The following UPF3B variants were observed in gnomAD, a reference collection of about 807,000 sequenced individuals.
The protein encoded by UPF3B is regulator of nonsense transcripts 3B.
In UPF3B, 7 loss-of-function variants were observed where a neutral mutation model predicts 40.3. That is an observed-to-expected ratio of 0.17 (90% CI 0.10 to 0.33). The LOEUF (loss-of-function observed/expected upper bound fraction) is 0.33. Among genes scored for constraint, UPF3B ranks in the 10% least tolerant of loss-of-function variants. The pLI, the probability that UPF3B is intolerant of heterozygous loss-of-function variation, is 1.00. For missense variants in UPF3B, 229 were observed against 358.9 expected (o/e 0.64, Z 2.93); for synonymous variants, 117 against 117.3 (o/e 1.00, Z 0.01).
intron 3 of UPF3B, among the ~76,000 whole-genome samples, chrX:119,848,094 A>G (rs1227195057): frequency 1.8e-5 from 2 of 109,052 alleles, no homozygotes; most frequent in African/African-American, 6.7e-5. Flanking sequence ...AGCCTGGCCA[A>G]CACAGTGAAA....
In UPF3B at chrX:119,841,770, T is replaced by C; in HGVS notation, c.589A>G (p.Thr197Ala). The change falls in exon 6 of 11, where the codon ACA becomes GCA. Residue 197 changes from threonine to alanine, a missense_variant. This residue lies in a region of UPF3B where 87 missense variants were observed against 184.2 expected (regional missense o/e 0.47). Transcript: ENST00000276201. ...TTCAGGAAGCTCAAAAGTGGGGTTG[T>C]CTTTTTAGCTACATAAATGTAAACA... Reference protein sequence around the residue: ...AKNRELIAKKTTPLLSFLKNK... With the variant: ...AKNRELIAKKATPLLSFLKNK... 1 of 1,204,155 alleles carries C rather than the reference T, an allele frequency of 8.3e-7. No homozygotes were observed. The highest frequency in any genetic ancestry group is 1.8e-5 in the South Asian group (1 of 56,742).
chrX:119,817,392 G>A (rs1176129108), intron 4 of UPF3B, among the ~76,000 whole-genome samples: 1 of 111,801 alleles, frequency 8.9e-6, no homozygotes, highest in East Asian at 2.8e-4. Flanking sequence ...GCGAGCATAG[G>A]AAAAACTGCC....
At chrX:119,824,479 C>T (rs1213606370) in intron 3 of UPF3B, among the ~76,000 whole-genome samples, 3 of 106,943 alleles carry the variant, frequency 2.8e-5, no homozygotes, top group African/African-American at 1.0e-4. Flanking sequence ...GAGGTGCTGA[C>T]GTGAAAACGG....
rs955473404 is a variant in UPF3B, at chrX:119,834,505, A to T, written c.*373T>A. The T allele has an allele frequency of 3.4e-6, 3 of 881,212 alleles. No homozygotes were observed. The African/African-American group carries it at 6.3e-5, about 18-fold the overall frequency. 72.6% of individuals were successfully genotyped at this position (881,212 alleles called of 1,213,427 possible). On this transcript the variant is annotated 3_prime_UTR_variant, in exon 11 of 11. Coordinates refer to ENST00000276201, the MANE Select transcript of UPF3B (RefSeq NM_080632.3). ...AAGCGACTCTGCTCCACCCAAATTC[A>T]GAAAATTCAATTCAGGATGAACAAC...
intron 10 of UPF3B, among the ~76,000 whole-genome samples, chrX:119,835,503 G>A (rs1338084721): frequency 8.9e-6 from 1 of 111,856 alleles, no homozygotes; most frequent in Non-Finnish European, 1.9e-5. Flanking sequence ...CCAAATTGTT[G>A]GGATTACAGG....
chrX:119,832,687 T>C (rs1332588301), downstream of UPF3B, among the ~76,000 whole-genome samples: 3 of 111,286 alleles, frequency 2.7e-5, no homozygotes, highest in Non-Finnish European at 5.7e-5. Flanking sequence ...GTTTAATAAA[T>C]TTTTGTAGTA....
At chrX:119,837,735 C>T (rs1162088628) in intron 10 of UPF3B, 22 bp downstream of exon 10, 2 of 1,202,542 alleles carry the variant, frequency 1.7e-6, no homozygotes, top group Admixed American at 2.2e-5. Flanking sequence ...CCCTCATAAA[C>T]AAGTTTAATG....
intron 6 of UPF3B, among the ~76,000 whole-genome samples, chrX:119,805,610 G>C (rs1487864248): frequency 4.5e-5 from 5 of 111,121 alleles, no homozygotes; most frequent in Non-Finnish European, 7.5e-5. Flanking sequence ...CTAATATCCA[G>C]AATCTACAAT....
In UPF3B at chrX:119,852,919, C is replaced by T; in HGVS notation, c.10G>A (p.Glu4Lys). The T allele has an allele frequency of 1.6e-6, 2 of 1,212,439 alleles. No homozygotes were observed. The highest frequency in any genetic ancestry group is 1.8e-5 in the South Asian group (1 of 57,072). ...TTCTCCTTAGGCCTGTGCTCCTTCT[C>T]TTCCTTCATGGCTACGTCCCCCGCT... MKEEKEHRPKEKRV... is the reference protein window; with the variant it reads MKEKKEHRPKEKRV... Residue 4 changes from glutamate (E) to lysine (K), a missense_variant, in exon 1 of 11, where the codon GAG becomes AAG. Transcript: ENST00000276201.
At position 119,834,836 on chromosome X, in the gene UPF3B, G is replaced by A. The variant is rs1361359016; in HGVS notation, c.*42C>T. ...CTGGATTGCTTAACGTGTGCTCTTT[G>A]GCTGCCTAGACAGTCAGGACACCTA... On this transcript the variant is annotated 3_prime_UTR_variant, in exon 11 of 11. Transcript: ENST00000276201. 2 of 1,210,060 alleles carry A rather than the reference G, an allele frequency of 1.7e-6. No individual in the cohort carries two copies. The highest frequency in any genetic ancestry group is 2.2e-6 in the Non-Finnish European group (2 of 895,352).
chrX:119,850,833 G>A (rs1000157000), intron 3 of UPF3B, among the ~76,000 whole-genome samples: 4 of 112,061 alleles, frequency 3.6e-5, no homozygotes, highest in African/African-American at 6.5e-5. Flanking sequence ...CTGCCTCCCA[G>A]GTTCAAGCGA....
At chrX:119,819,737 A>C (rs1431356404) in intron 4 of UPF3B, among the ~76,000 whole-genome samples, 1 of 111,728 alleles carries the variant, frequency 9.0e-6, no homozygotes, top group Admixed American at 9.6e-5. Context: ...ATGGCTAGTT[A>C]TCATTGCTTA....
intron 5 of UPF3B, 134 bp from the exon 6 acceptor site, chrX:119,841,912 T>C (rs2056165452): frequency 6.0e-6 from 3 of 502,219 alleles, no homozygotes; most frequent in Non-Finnish European, 1.0e-5. Flanking sequence ...ACAATTGTAA[T>C]ATCAGAAAGA....
chrX:119,826,349 T>A (rs2055978740), intron 3 of UPF3B, among the ~76,000 whole-genome samples: 1 of 107,643 alleles, frequency 9.3e-6, no homozygotes, highest in Non-Finnish European at 1.9e-5. Flanking sequence ...GGCCTGGTGG[T>A]GCGTGCCTAT....
chrX:119,837,675 T>C (rs759054507), intron 10 of UPF3B, 82 bp downstream of exon 10: 2 of 906,338 alleles, frequency 2.2e-6, no homozygotes, highest in Admixed American at 5.5e-5. Flanking sequence ...AATTCTATAA[T>C]AACAGTGCCC....
At chrX:119,828,686 A>C (rs1036874746) in intron 3 of UPF3B, among the ~76,000 whole-genome samples, 1 of 108,878 alleles carries the variant, frequency 9.2e-6, no homozygotes, top group Non-Finnish European at 1.9e-5. Context: ...AAAAAAAAAA[A>C]AATCTCCTTA....
rs181493334 is a variant in UPF3B at position 119,817,580 on chromosome X, A to G, written c.495-2273T>C. On this transcript the variant is annotated intron_variant, in intron 4 of 6. Transcript: ENST00000636792. ...GCTCAATCATATCAACAGTCATATG[A>G]GAAGTCTTCAAAAAGTCCATGGAAA... 8.0e-5 allele frequency among the ~76,000 whole-genome samples: 9 copies of G among 112,196 alleles called. No homozygotes were observed. In the Admixed American group the frequency reaches 8.6e-4, roughly 11 times the overall value.
At position 119,838,457 on chromosome X, in the gene UPF3B, T is replaced by C; in HGVS notation, c.917A>G (p.Lys306Arg). The C allele has an allele frequency of 1.7e-6, 2 of 1,211,848 alleles. No homozygotes were observed. Among genetic ancestry groups the C allele is most frequent in the Non-Finnish European group, 2.2e-6 (2 of 895,326 alleles). The part of the protein sequence containing the change: ...DKREKAKKLD[K>R]ENLSDERASG... ...GGCTCTTTCATCACTGAGATTCTCT[T>C]TGTCCAATTTCTTGGCTTTTTCTCT... Residue 306 changes from lysine (K) to arginine (R), a missense_variant, in exon 9 of 11, where the codon AAA (lysine) becomes AGA (arginine). By Grantham distance (26) the Lys-to-Arg change is conservative. Transcript: ENST00000276201.
At chrX:119,806,122 G>A (rs2055788678) in intron 6 of UPF3B, among the ~76,000 whole-genome samples, 1 of 73,980 alleles carries the variant, frequency 1.4e-5, no homozygotes, top group Admixed American at 1.8e-4. Flanking sequence ...AGAAAATGTG[G>A]CACATATACA....
Sources: gnomAD v4.1 joint callset for allele counts (sites outside exome capture counted in the v4.1 genomes callset) on GRCh38, gnomAD v4.1.1 for gene constraint, gnomAD v4.1.1 regional missense constraint, MANE v1.5 for transcripts, NCBI Gene and HGNC (gene_info 2026-07-23, HGNC 2026-07-21) for gene names.